Variants in TSPAN15 observed in about 807,000 individuals in gnomAD.
The protein encoded by TSPAN15 is tetraspanin-15.
A neutral mutation model predicts 34.5 loss-of-function variants in TSPAN15; 20 were observed. That is an observed-to-expected ratio of 0.58 (90% CI 0.41 to 0.84). The LOEUF is 0.84. Ranked by LOEUF, TSPAN15 falls within the 40% of genes least tolerant of loss-of-function variation. The pLI is 0.00. For synonymous variants in TSPAN15, 155 were observed against 153.9 expected (o/e 1.01, Z -0.05); for missense variants, 313 against 386.1 (o/e 0.81, Z 1.59).
chr10:69,540,675 T>C, the TSPAN15 span, among the ~76,000 whole-genome samples: 13 of 152,248 alleles, frequency 8.5e-5, no homozygotes, highest in African/African-American at 2.9e-4. Flanking sequence ...ATGGAGGATA[T>C]ACCCCAACAT....
In TSPAN15 at chr10:69,451,653, T is replaced by TAAAAAA; in HGVS notation, c.59_60insAAAAAA (p.Lys21_Phe22insAsnLys). The TAAAAAA allele has an allele frequency of 6.5e-7, 1 of 1,547,592 alleles. No individual in the cohort carries two copies. Among genetic ancestry groups the TAAAAAA allele is most frequent in the Non-Finnish European group, 8.7e-7 (1 of 1,145,424 alleles). On this transcript the variant is annotated inframe_insertion, in exon 1 of 8. Transcript: ENST00000373290. ...TGCGCGCGCTTCTCCTACCTCTGGC[T>TAAAAAA]CAAGTTTTCACTTATCATCTATTCC...
rs561625298 is a variant in TSPAN15, at chr10:69,482,035, C to T, written c.97-1656C>T. Among the ~76,000 whole-genome samples, 99 of 150,702 alleles carry T rather than the reference C, an allele frequency of 6.6e-4. No homozygotes were observed. In the South Asian group the frequency reaches 9.0e-3, roughly 14 times the overall value. On this transcript the variant is annotated intron_variant, in intron 1 of 7. Coordinates refer to ENST00000373290, the MANE Select transcript of TSPAN15 (RefSeq NM_012339.5). ...GTCCGAAGCAATTGAAAAATCCCTC[C>T]TGGAGCTTATGTTCTAGTGAGGAAG...
At chr10:69,494,696 ACGCTGTGGTG>A in intron 3 of TSPAN15, 2 of 985,410 alleles carry the variant, frequency 2.0e-6, no homozygotes, top group Non-Finnish European at 2.4e-6. Flanking sequence ...GTCCCAGCGT[ACGCTGTGGTG>A]CCACCCCCGG....
chr10:69,507,862 C>T (rs964185231), downstream of TSPAN15, among the ~76,000 whole-genome samples: 2 of 150,916 alleles, frequency 1.3e-5, no homozygotes, highest in African/African-American at 4.9e-5. Flanking sequence ...TACCGAGAAC[C>T]GAGGGAAACA....
rs569778318 is a variant in TSPAN15 at position 69,486,401 on chromosome 10, G to A, written c.357+1186G>A. ...CTGGACAGTTGCTGCTGGGACATGC[G>A]TCAGAGCTGTGAGCCAAGTTATCTT... On this transcript the variant is annotated intron_variant, in intron 3 of 7. Transcript: ENST00000373290. 9.9e-4 allele frequency among the ~76,000 whole-genome samples: 150 copies of A among 152,222 alleles called. No homozygotes were observed. The Middle Eastern group carries it at 0.01, about 10-fold the overall frequency.
chr10:69,531,761 C>T, the TSPAN15 span, among the ~76,000 whole-genome samples: 1 of 151,958 alleles, frequency 6.6e-6, no homozygotes, highest in East Asian at 1.9e-4. Flanking sequence ...AAAAATCACA[C>T]GATTATCTCA....
chr10:69,531,413 A>G, the TSPAN15 span, among the ~76,000 whole-genome samples: 4 of 152,166 alleles, frequency 2.6e-5, no homozygotes, highest in Non-Finnish European at 5.9e-5. Context: ...AGCCTGGGCA[A>G]CACGGCAAAA....
At chr10:69,457,351 C>A (rs1841135453) in intron 1 of TSPAN15, among the ~76,000 whole-genome samples, 1 of 152,170 alleles carries the variant, frequency 6.6e-6, no homozygotes, top group South Asian at 2.1e-4. Flanking sequence ...GGGGGTGTAA[C>A]CCGCAGTGGT....
chr10:69,539,422 G>GAGGAAGAGGAAGAGGAAGAAA, the TSPAN15 span, among the ~76,000 whole-genome samples: 1 of 139,012 alleles, frequency 7.2e-6, no homozygotes, highest in Non-Finnish European at 1.5e-5. Flanking sequence ...AGAGGAAGAA[G>GAGGAAGAGGAAGAGGAAGAAA]AAGAAAGAAG....
the TSPAN15 span, among the ~76,000 whole-genome samples, chr10:69,548,197 A>G: frequency 4.6e-5 from 7 of 152,216 alleles, no homozygotes; most frequent in Non-Finnish European, 7.3e-5. Context: ...GCCACTACAG[A>G]CAGTGTGGAG....
the TSPAN15 span, among the ~76,000 whole-genome samples, chr10:69,539,458 A>G: frequency 0.6 from 39,491 of 65,776 alleles, 10,902 homozygotes; most frequent in Non-Finnish European, 0.67. Flanking sequence ...GAAGAAGAAG[A>G]AGAAGGAGAA....
At chr10:69,470,519 C>T (rs1241117967) in intron 1 of TSPAN15, among the ~76,000 whole-genome samples, 2 of 152,208 alleles carry the variant, frequency 1.3e-5, no homozygotes, top group East Asian at 1.9e-4. Flanking sequence ...GCCACTGTCA[C>T]CTCACATTGG....
At chr10:69,493,597 C>T (rs180787533) in intron 3 of TSPAN15, among the ~76,000 whole-genome samples, 253 of 152,100 alleles carry the variant, frequency 1.7e-3, no homozygotes, top group African/African-American at 5.8e-3. Flanking sequence ...CTCAGCCTCC[C>T]GAGTAGCTGG....
At chr10:69,543,049 G>A in the TSPAN15 span, among the ~76,000 whole-genome samples, 1 of 152,186 alleles carries the variant, frequency 6.6e-6, no homozygotes, top group Non-Finnish European at 1.5e-5. Flanking sequence ...TTTCATGGTT[G>A]GAGATACACA....
At chr10:69,494,685 T>C (rs1842039954) in intron 3 of TSPAN15, 9 of 985,170 alleles carry the variant, frequency 9.1e-6, no homozygotes, top group Non-Finnish European at 1.1e-5. Flanking sequence ...AGGATCCTGT[T>C]GTCCCAGCGT....
rs182336247 is a variant in TSPAN15, at chr10:69,454,374, C to T, written c.96+2684C>T. Among the ~76,000 whole-genome samples, 112 of 151,862 alleles carry T rather than the reference C, an allele frequency of 7.4e-4. 2 individuals are homozygous for T. The Middle Eastern group carries it at 0.02, about 28-fold the overall frequency. ...CTCTACTAAAAATACAAAAATTAGC[C>T]AGGCGTGGTGGTGTGTGCCTGTAAT... On this transcript the variant is annotated intron_variant, in intron 1 of 7. Coordinates refer to ENST00000373290, the MANE Select transcript of TSPAN15 (RefSeq NM_012339.5).
intron 1 of TSPAN15, among the ~76,000 whole-genome samples, chr10:69,476,738 G>T (rs1409110406): frequency 6.6e-6 from 1 of 152,132 alleles, no homozygotes; most frequent in African/African-American, 2.4e-5. Context: ...ACAAGTGAAT[G>T]CGCCTTTGCT....
chr10:69,495,306 C>T (rs1252485850), intron 3 of TSPAN15: 2 of 336,174 alleles, frequency 5.9e-6, no homozygotes, highest in Non-Finnish European at 1.1e-5. Flanking sequence ...ACGGCCCCAG[C>T]CTCTCAGGGC....
At chr10:69,468,239 G>A (rs1159053987) in intron 1 of TSPAN15, among the ~76,000 whole-genome samples, 2 of 152,170 alleles carry the variant, frequency 1.3e-5, no homozygotes, top group East Asian at 3.9e-4. Flanking sequence ...AGGCACTGGG[G>A]AAAGATGCTC....
Sources: gnomAD v4.1 joint callset for allele counts (sites outside exome capture counted in the v4.1 genomes callset) on GRCh38, gnomAD v4.1.1 for gene constraint, MANE v1.5 for transcripts, NCBI Gene and HGNC (gene_info 2026-07-23, HGNC 2026-07-21) for gene names.